SGCZ: variants seen among roughly 807,000 people sequenced by gnomAD.
The protein encoded by SGCZ is sarcoglycan zeta.
In SGCZ, 40 loss-of-function variants were observed where a neutral mutation model predicts 41.3. The observed-to-expected ratio is 0.97, with a 90% CI of 0.75 to 1.26. SGCZ has a LOEUF of 1.26. Among genes scored for constraint, SGCZ ranks in the 50% most tolerant of loss-of-function variants. The probability of loss-of-function intolerance (pLI) is 0.00; values close to 1 mark genes in which losing one functional copy is unlikely to be tolerated. For missense variants in SGCZ, 552 were observed against 369.8 expected, an observed-to-expected ratio of 1.49 and a Z score of -4.04; for synonymous variants, 206 against 137.5, an observed-to-expected ratio of 1.50 and a Z score of -3.49.
At chr8:14,667,003 G>A (rs1437501991) in intron 1 of SGCZ, among the ~76,000 whole-genome samples, 2 of 151,906 alleles carry the variant, frequency 1.3e-5, no homozygotes, top group Non-Finnish European at 2.9e-5. Flanking sequence ...AATGAGCATA[G>A]CAATGATCAG....
At chr8:14,907,691 G>C (rs1214472253) in intron 1 of SGCZ, among the ~76,000 whole-genome samples, 3 of 152,022 alleles carry the variant, frequency 2.0e-5, no homozygotes, top group African/African-American at 7.2e-5. Context: ...ATAAAATAAA[G>C]AATAAAAATT....
At chr8:14,822,755 A>G (rs1802150837) in intron 1 of SGCZ, among the ~76,000 whole-genome samples, 1 of 152,170 alleles carries the variant, frequency 6.6e-6, no homozygotes, top group Admixed American at 6.5e-5. Flanking sequence ...TGTGCTGGAA[A>G]AAAAAAAGAT....
chr8:15,220,341 C>T (rs1283831476), intron 1 of SGCZ, among the ~76,000 whole-genome samples: 1 of 152,036 alleles, frequency 6.6e-6, no homozygotes, highest in East Asian at 1.9e-4. Context: ...GAATCAGAGA[C>T]ATAATAGTAA....
At chr8:14,997,720 G>C (rs1186784473) in intron 1 of SGCZ, among the ~76,000 whole-genome samples, 2 of 152,122 alleles carry the variant, frequency 1.3e-5, no homozygotes, top group African/African-American at 2.4e-5. Context: ...AGCACTTTTG[G>C]AGGCCAAGGC....
intron 1 of SGCZ, among the ~76,000 whole-genome samples, chr8:15,146,425 G>A (rs1185248486): frequency 3.3e-5 from 5 of 152,110 alleles, no homozygotes; most frequent in Admixed American, 6.5e-5. Context: ...GAGTGCAGTG[G>A]CTAACAGGAA....
In SGCZ at chr8:14,789,447, C is replaced by G. The variant is rs185249217; in HGVS notation, c.40-234521G>C. On this transcript the variant is annotated intron_variant, in intron 1 of 7. Coordinates refer to ENST00000382080, the MANE Select transcript of SGCZ (RefSeq NM_139167.4). ...TTTCAAATAAATTTCAGCAAGTAAG[C>G]AAATTCACAACCACAAGAATTCATG... is the stretch of plus-strand genomic sequence containing the variant. 3.1e-3 allele frequency among the ~76,000 whole-genome samples: 466 copies of G among 152,234 alleles called. 3 individuals carry two copies. Among genetic ancestry groups the G allele is most frequent in the Admixed American group, 0.02 (309 of 15,286 alleles).
chr8:14,932,028 G>C (rs982402051), intron 1 of SGCZ, among the ~76,000 whole-genome samples: 3 of 151,700 alleles, frequency 2.0e-5, no homozygotes, highest in African/African-American at 7.3e-5. Context: ...TAAATATAAA[G>C]TATGTCCATT....
intron 1 of SGCZ, among the ~76,000 whole-genome samples, chr8:14,730,763 T>C (rs1810212346): frequency 6.6e-6 from 1 of 151,844 alleles, no homozygotes; most frequent in South Asian, 2.1e-4. Flanking sequence ...AAATCTATGT[T>C]AAATTGGAAT....
At chr8:14,223,124 T>C (rs189077058) in intron 4 of SGCZ, among the ~76,000 whole-genome samples, 43 of 152,226 alleles carry the variant, frequency 2.8e-4, no homozygotes, top group African/African-American at 1.0e-3. Context: ...ACAGAGGTTT[T>C]AAAGGACATC....
intron 1 of SGCZ, among the ~76,000 whole-genome samples, chr8:15,169,741 G>A (rs984517939): frequency 6.6e-6 from 1 of 152,120 alleles, no homozygotes; most frequent in African/African-American, 2.4e-5. Context: ...AGATGGCAAG[G>A]AAGCTCTCCA....
Position 15,238,390 on chromosome 8 carries a change from C to T in SGCZ, c.-767G>A, listed in dbSNP as rs755286667. 6.6e-6 allele frequency: 1 copy of T among 152,240 alleles called. No homozygotes were observed. The highest frequency in any genetic ancestry group is 1.5e-5 in the Non-Finnish European group (1 of 68,062). 9.4% of individuals were successfully genotyped at this position (152,240 alleles called of 1,614,324 possible). A position where few individuals can be genotyped will look rare whatever the true frequency, so the allele number is the denominator to read the frequency against. On this transcript the variant is annotated 5_prime_UTR_variant, in exon 1 of 8. The change creates a new upstream start codon in the 5' untranslated region. Transcript: ENST00000382080. ...TTCGCTGTTTTACTGGCCTTCACCA[C>T]CAGGTGACTGACTTCGCTTCTCTCT... is the stretch of plus-strand genomic sequence containing the variant.
chr8:15,030,838 C>T (rs888253009), intron 1 of SGCZ, among the ~76,000 whole-genome samples: 1 of 151,930 alleles, frequency 6.6e-6, no homozygotes, highest in African/African-American at 2.4e-5. Flanking sequence ...AGAAGAAGGG[C>T]TATTTGAGGC....
intron 4 of SGCZ, among the ~76,000 whole-genome samples, chr8:14,169,701 G>T (rs762878649): frequency 1.3e-5 from 2 of 152,064 alleles, no homozygotes; most frequent in African/African-American, 4.8e-5. Context: ...TATTTTCTCT[G>T]ACCAAAGCAA....
At chr8:14,499,053 T>C (rs1409069296) in intron 2 of SGCZ, among the ~76,000 whole-genome samples, 1 of 152,044 alleles carries the variant, frequency 6.6e-6, no homozygotes, top group East Asian at 1.9e-4. Flanking sequence ...TTTGATCTTC[T>C]CCATTTAATA....
intron 3 of SGCZ, chr8:14,309,672 T>G: frequency 6.2e-7 from 1 of 1,610,390 alleles, no homozygotes; most frequent in Non-Finnish European, 8.5e-7. Context: ...GTTTGTTGTT[T>G]AAGAAGACAC....
intron 1 of SGCZ, among the ~76,000 whole-genome samples, chr8:14,770,419 C>G (rs138989987): frequency 3.0e-4 from 46 of 151,218 alleles, no homozygotes; most frequent in Non-Finnish European, 5.5e-4. Context: ...CCCCAGAGGT[C>G]AGTATATTAT....
At chr8:14,517,792 C>CT (rs145532664) in intron 2 of SGCZ, among the ~76,000 whole-genome samples, 1 of 151,328 alleles carries the variant, frequency 6.6e-6, no homozygotes, top group Non-Finnish European at 1.5e-5. Flanking sequence ...TTTTTGATAG[C>CT]TTTTTTTGAA....
At chr8:14,977,967 T>C (rs1801535723) in intron 1 of SGCZ, among the ~76,000 whole-genome samples, 1 of 151,894 alleles carries the variant, frequency 6.6e-6, no homozygotes, top group African/African-American at 2.4e-5. Flanking sequence ...ATGCATAAAT[T>C]TGATTCCATT....
intron 1 of SGCZ, among the ~76,000 whole-genome samples, chr8:14,609,990 C>T (rs1805874709): frequency 6.6e-6 from 1 of 152,100 alleles, no homozygotes; most frequent in South Asian, 2.1e-4. Context: ...ATTTTTGTTA[C>T]AAGTCTGTTC....
Sources: allele counts gnomAD v4.1 joint callset (sites outside exome capture counted in the v4.1 genomes callset), GRCh38; gene constraint gnomAD v4.1.1; transcripts MANE v1.5; gene names NCBI Gene and HGNC (gene_info 2026-07-23, HGNC 2026-07-21).